PARD3B: variants seen among roughly 807,000 people sequenced by gnomAD.
PARD3B encodes partitioning defective 3 homolog B.
In PARD3B, 103 loss-of-function variants were observed where a neutral mutation model predicts 130.2. The observed-to-expected ratio is 0.79, with a 90% CI of 0.67 to 0.93. The LOEUF (loss-of-function observed/expected upper bound fraction) is 0.93, where lower values mean the gene tolerates loss of function less well. Among genes scored for constraint, PARD3B ranks in the 40% least tolerant of loss-of-function variants. The pLI, the probability that PARD3B is intolerant of heterozygous loss-of-function variation, is 0.00. For synonymous variants in PARD3B, 583 were observed against 553.2 expected, an observed-to-expected ratio of 1.05 and a Z score of -0.76; for missense variants, 1,609 against 1,499.2, an observed-to-expected ratio of 1.07 and a Z score of -1.21.
rs542426222 is a variant in PARD3B at position 204,983,421 on chromosome 2, G to A, written c.394+18098G>A. Among the ~76,000 whole-genome samples, 40 of 144,428 alleles carry A rather than the reference G, an allele frequency of 2.8e-4. No individual in the cohort carries two copies. In the East Asian group the frequency reaches 8.7e-3, roughly 31 times the overall value. 94.8% of individuals were successfully genotyped at this position (144,428 alleles called of 152,430 possible). On this transcript the variant is annotated intron_variant, in intron 3 of 22. Coordinates refer to ENST00000406610, the MANE Select transcript of PARD3B (RefSeq NM_001302769.2). Reference sequence around the variant, plus strand: ...CTGTGGGGGGAGTCGGGAGAGGAAGGGGGGAGGAGAGAAGTCAGTTTAAGG... The same window carrying A: ...CTGTGGGGGGAGTCGGGAGAGGAAGAGGGGAGGAGAGAAGTCAGTTTAAGG...
chr2:204,609,726 G>C (rs1361147759), intron 1 of PARD3B, among the ~76,000 whole-genome samples: 1 of 151,892 alleles, frequency 6.6e-6, no homozygotes, highest in South Asian at 2.1e-4. Flanking sequence ...ATCCTTCAGA[G>C]AGAATAGATG....
intron 13 of PARD3B, among the ~76,000 whole-genome samples, chr2:205,178,168 A>AG (rs1407597110): frequency 2.7e-5 from 4 of 148,640 alleles, no homozygotes; most frequent in Non-Finnish European, 5.9e-5. Flanking sequence ...AAAAAAAAAA[A>AG]AAAAAAAAAA....
intron 2 of PARD3B, among the ~76,000 whole-genome samples, chr2:204,801,741 T>A (rs866967767): frequency 6.6e-6 from 1 of 152,208 alleles, no homozygotes; most frequent in Non-Finnish European, 1.5e-5. Flanking sequence ...TCCAATACTA[T>A]GTTGAATAGG....
intron 5 of PARD3B, among the ~76,000 whole-genome samples, chr2:205,109,077 T>G (rs1703440342): frequency 6.6e-6 from 1 of 152,204 alleles, no homozygotes; most frequent in East Asian, 1.9e-4. Flanking sequence ...TGGTCTTTGT[T>G]TTTTCCTTGT....
At chr2:204,802,309 T>C (rs1202653972) in intron 2 of PARD3B, among the ~76,000 whole-genome samples, 1 of 152,126 alleles carries the variant, frequency 6.6e-6, no homozygotes, top group Non-Finnish European at 1.5e-5. Flanking sequence ...TCATGCCAGA[T>C]TGAATGACGA....
intron 19 of PARD3B, among the ~76,000 whole-genome samples, chr2:205,428,423 A>C (rs1254629252): frequency 6.6e-6 from 1 of 152,124 alleles, no homozygotes; most frequent in Non-Finnish European, 1.5e-5. Flanking sequence ...GAGCTGCCTC[A>C]CCTCTTCTGC....
chr2:205,260,681 C>G (rs1405541630), intron 16 of PARD3B, among the ~76,000 whole-genome samples: 1 of 152,014 alleles, frequency 6.6e-6, no homozygotes, highest in Admixed American at 6.6e-5. Context: ...AGAAAATAAA[C>G]TTGATTTAAT....
rs1377950233 is a variant in PARD3B, at chr2:204,799,953, A to G, written c.222+113671A>G. Among the ~76,000 whole-genome samples, 1 of 152,210 alleles carries G rather than the reference A, an allele frequency of 6.6e-6. No individual in the cohort carries two copies. The highest frequency in any genetic ancestry group is 1.5e-5 in the Non-Finnish European group (1 of 68,034). ...ACTGTGAAGGCTACAATAAATACCT[A>G]ACTCTACAATGCCCTGACACTGATG... On this transcript the variant is annotated intron_variant, in intron 2 of 22. Transcript: ENST00000406610. The surrounding 1 kb of genome is among the most constrained non-coding windows in gnomAD (Gnocchi z 4.1).
At chr2:204,912,425 T>C (rs1277033515) in intron 2 of PARD3B, among the ~76,000 whole-genome samples, 2 of 152,186 alleles carry the variant, frequency 1.3e-5, no homozygotes, top group African/African-American at 4.8e-5. Context: ...ATATTAAATA[T>C]TTACAGATCA....
At chr2:205,055,889 G>A (rs978916537) in intron 4 of PARD3B, among the ~76,000 whole-genome samples, 3 of 152,254 alleles carry the variant, frequency 2.0e-5, no homozygotes, top group East Asian at 3.9e-4. Flanking sequence ...AGGCAGCAGC[G>A]TAAATGCCTA....
In PARD3B at chr2:205,282,417, C is replaced by T. The variant is rs1574588510; in HGVS notation, c.2186-18113C>T. 2.6e-5 allele frequency among the ~76,000 whole-genome samples: 4 copies of T among 151,200 alleles called. No individual in the cohort carries two copies. The East Asian group carries it at 5.8e-4, about 22-fold the overall frequency. The stretch of plus-strand genomic sequence containing the variant: ...AATTCAAGTGATGTTTACAAGTTGG[C>T]TCTTAATATTTGTCTCCTCTTCAGG... On this transcript the variant is annotated intron_variant, in intron 16 of 22. Coordinates refer to ENST00000406610, the MANE Select transcript of PARD3B (RefSeq NM_001302769.2).
At position 204,946,884 on chromosome 2, in the gene PARD3B, A is replaced by T. The variant is rs553955662; in HGVS notation, c.223-18268A>T. ...AAGAGGAGCTCATGTTCCAGTCCCT[A>T]TCCGAAGGCTGGAAAGAAAAAAACA... is the stretch of plus-strand genomic sequence containing the variant. On this transcript the variant is annotated intron_variant, in intron 2 of 22. Coordinates refer to ENST00000406610, the MANE Select transcript of PARD3B (RefSeq NM_001302769.2). Among the ~76,000 whole-genome samples the T allele has an allele frequency of 7.9e-5, 12 of 152,286 alleles. No homozygotes were observed. The East Asian group carries it at 2.1e-3, about 27-fold the overall frequency.
intron 20 of PARD3B, among the ~76,000 whole-genome samples, chr2:205,441,415 C>T (rs544811186): frequency 2.6e-5 from 4 of 152,176 alleles, no homozygotes; most frequent in East Asian, 1.9e-4. Flanking sequence ...GAGTTTTAGT[C>T]GATATACATT....
intron 16 of PARD3B, among the ~76,000 whole-genome samples, chr2:205,285,402 A>C (rs1162019208): frequency 1.3e-5 from 2 of 152,142 alleles, no homozygotes; most frequent in African/African-American, 4.8e-5. Flanking sequence ...CATGGTATAG[A>C]TATAAGTCCC....
intron 16 of PARD3B, among the ~76,000 whole-genome samples, chr2:205,286,707 C>T (rs1474190002): frequency 6.6e-6 from 1 of 152,170 alleles, no homozygotes; most frequent in African/African-American, 2.4e-5. Context: ...AAATGAGAGG[C>T]CTCTGTTGAG....
chr2:205,412,204 G>T (rs1048574720), intron 19 of PARD3B, among the ~76,000 whole-genome samples: 2 of 152,046 alleles, frequency 1.3e-5, no homozygotes, highest in Non-Finnish European at 2.9e-5. Flanking sequence ...CTGTCCCAAG[G>T]AATCTGACCC....
chr2:205,083,186 T>A (rs6731321), intron 4 of PARD3B, among the ~76,000 whole-genome samples: 1 of 151,878 alleles, frequency 6.6e-6, no homozygotes, highest in Non-Finnish European at 1.5e-5. Context: ...CGCAAAGTGC[T>A]GGGATTACAA....
chr2:204,566,054 G>GT (rs1189080887), intron 1 of PARD3B, among the ~76,000 whole-genome samples: 1 of 152,212 alleles, frequency 6.6e-6, no homozygotes, highest in Non-Finnish European at 1.5e-5. Flanking sequence ...TGCTAGTATA[G>GT]TTTAGTGTCA....
In PARD3B at chr2:205,241,846, C is replaced by T. The variant is rs950200810; in HGVS notation, c.2141-3932C>T. Among the ~76,000 whole-genome samples, 8 of 152,126 alleles carry T rather than the reference C, an allele frequency of 5.3e-5. No individual in the cohort carries two copies. The highest frequency in any genetic ancestry group is 1.2e-4 in the Non-Finnish European group (8 of 67,998). ...CTGTGCTAAATATTATGCAGTGAAA[C>T]TACTAGACGTAAGCTTAAGCCCCAA... On this transcript the variant is annotated intron_variant, in intron 15 of 22. Coordinates refer to ENST00000406610, the MANE Select transcript of PARD3B (RefSeq NM_001302769.2). The surrounding 1 kb of genome is among the most constrained non-coding windows in gnomAD (Gnocchi z 4.2).
Sources: allele counts gnomAD v4.1 joint callset (sites outside exome capture counted in the v4.1 genomes callset), GRCh38; gene constraint gnomAD v4.1.1; non-coding constraint Gnocchi (gnomAD v3.1); transcripts MANE v1.5; gene names NCBI Gene and HGNC (gene_info 2026-07-23, HGNC 2026-07-21).